Variants in RNF217 observed in about 807,000 individuals in gnomAD.
The protein encoded by RNF217 is E3 ubiquitin-protein ligase RNF217.
RNF217 carries 31 observed loss-of-function variants against 57.8 expected under a neutral mutation model. That is an observed-to-expected ratio of 0.54 (90% CI 0.40 to 0.72). The LOEUF (loss-of-function observed/expected upper bound fraction) is 0.72, where lower values mean the gene tolerates loss of function less well. Among genes scored for constraint, RNF217 ranks in the 30% least tolerant of loss-of-function variants. RNF217 has a pLI of 0.00. For missense variants in RNF217, 696 were observed against 708.3 expected (o/e 0.98, Z 0.20); for synonymous variants, 313 against 294.0 (o/e 1.06, Z -0.66).
rs138988779 is a variant in RNF217 at position 125,082,926 on chromosome 6, A to G, written c.1618A>G (p.Met540Val). ...ACAGAGAAAACGATCACGGACAGGTATGCACTGGTAACATGCAGATGATTT... is the reference window on the plus strand; with the variant it reads ...ACAGAGAAAACGATCACGGACAGGTGTGCACTGGTAACATGCAGATGATTT... Reference protein sequence around the residue: ...KKQRKRSRTGMHW With the variant: ...KKQRKRSRTGVHW The change falls in exon 6 of 6, where the codon ATG (methionine) becomes GTG (valine). Residue 540 changes from methionine (M) to valine (V), a missense_variant. Physicochemically the swap from Met to Val is conservative, Grantham distance 21. Transcript: ENST00000521654. 9.2e-4 allele frequency: 1,475 copies of G among 1,600,898 alleles called. 6 individuals are homozygous for G. Among genetic ancestry groups the G allele is most frequent in the South Asian group, 3.6e-3 (314 of 88,444 alleles).
chr6:125,091,020 A>G lies in RNF217; in HGVS notation c.*8083A>G, dbSNP rs532574442. On this transcript the variant is annotated 3_prime_UTR_variant, in exon 6 of 6. Transcript: ENST00000521654. ...GCAAAGGAAAAATTACGTTGAGATG[A>G]AATGTTGAGAAATAAGGAGTATCTT... 6.6e-6 allele frequency: 1 copy of G among 152,164 alleles called. No homozygotes were observed. Among genetic ancestry groups the G allele is most frequent in the East Asian group, 1.9e-4 (1 of 5,186 alleles). The allele number at this position is 152,164 out of a possible 1,614,324, so 9.4% of individuals were successfully genotyped here.
chr6:124,978,498 G>A lies in RNF217; in HGVS notation c.882+15072G>A, dbSNP rs142314492. 3.0e-3 allele frequency among the ~76,000 whole-genome samples: 458 copies of A among 151,800 alleles called. 2 individuals are homozygous for A. The highest frequency in any genetic ancestry group is 0.01 in the African/African-American group (416 of 41,392). ...TGCCAGCAGTCGTGGAGCCCCAAGG[G>A]GGGTTACAGTTCTCGCTTGTGGAGT... is the stretch of plus-strand genomic sequence containing the variant. On this transcript the variant is annotated intron_variant, in intron 1 of 5. Coordinates refer to ENST00000521654, the MANE Select transcript of RNF217 (RefSeq NM_001286398.3).
At chr6:125,008,058 C>T (rs943265107) in intron 1 of RNF217, among the ~76,000 whole-genome samples, 2 of 152,014 alleles carry the variant, frequency 1.3e-5, no homozygotes, top group African/African-American at 2.4e-5. Context: ...AGATCAAGAC[C>T]ATCCCGGCTG....
chr6:125,040,095 G>A (rs1399745849), intron 1 of RNF217, among the ~76,000 whole-genome samples: 2 of 152,006 alleles, frequency 1.3e-5, no homozygotes, highest in African/African-American at 4.8e-5. Flanking sequence ...TAAGATCAGA[G>A]CAGAATTGAA....
intron 1 of RNF217, among the ~76,000 whole-genome samples, chr6:125,022,039 AC>A (rs892423910): frequency 2.6e-5 from 4 of 151,808 alleles, no homozygotes; most frequent in African/African-American, 7.3e-5. Flanking sequence ...GCACCACCAC[AC>A]CTGGCTAATT....
chr6:124,963,234 G>T lies in RNF217; in HGVS notation c.690G>T (p.Ala230=), dbSNP rs1192153724. 2.6e-6 allele frequency: 4 copies of T among 1,535,858 alleles called. No homozygotes were observed. The highest frequency in any genetic ancestry group is 2.6e-6 in the Non-Finnish European group (3 of 1,146,872). Residue 230 remains alanine, a synonymous_variant, in exon 1 of 6, where the codon GCG becomes GCT. Coordinates refer to ENST00000521654, the MANE Select transcript of RNF217 (RefSeq NM_001286398.3). The stretch of plus-strand genomic sequence containing the variant: ...GCATCGAGCTGGAGTTCTACCTGGC[G>T]CCCGAGCCGTTCTCCATGCCCAGCC... The part of the protein sequence containing the change: ...GGSIELEFYL[A]PEPFSMPSLL...
intron 1 of RNF217, among the ~76,000 whole-genome samples, chr6:125,036,115 C>T (rs1786605095): frequency 6.6e-6 from 1 of 152,022 alleles, no homozygotes; most frequent in South Asian, 2.1e-4. Context: ...TGTGATGTTC[C>T]CCTCCCTGTG....
chr6:125,082,386 T>C, intron 5 of RNF217: 2 of 1,457,952 alleles, frequency 1.4e-6, no homozygotes, highest in South Asian at 1.3e-5. Context: ...GTATCTGACA[T>C]TTAAGTTCTT....
At chr6:124,979,912 G>T (rs767196404) in intron 1 of RNF217, among the ~76,000 whole-genome samples, 1 of 152,178 alleles carries the variant, frequency 6.6e-6, no homozygotes. Context: ...AGATGGCTCT[G>T]TCTCATGTCC....
intron 3 of RNF217, among the ~76,000 whole-genome samples, chr6:125,073,455 A>AG (rs1788228284): frequency 6.6e-6 from 1 of 152,198 alleles, no homozygotes; most frequent in African/African-American, 2.4e-5. Flanking sequence ...TGCTTAAAGA[A>AG]GGATTCTCAA....
intron 1 of RNF217, among the ~76,000 whole-genome samples, chr6:124,993,349 T>C (rs879394857): frequency 3.9e-5 from 6 of 152,272 alleles, no homozygotes; most frequent in East Asian, 3.9e-4. Context: ...CAGATAGTAA[T>C]TACAAGTAAA....
chr6:125,072,654 T>C (rs518619), intron 3 of RNF217, among the ~76,000 whole-genome samples: 3,913 of 152,256 alleles, frequency 0.026, 155 homozygotes, highest in African/African-American at 0.088. Context: ...GCAAAACTTA[T>C]TAGAACAAGT....
In RNF217 at chr6:125,085,756, G is replaced by A. The variant is rs1231348144; in HGVS notation, c.*2819G>A. 1 of 151,720 alleles carries A rather than the reference G, an allele frequency of 6.6e-6. No individual in the cohort carries two copies. The highest frequency in any genetic ancestry group is 1.5e-5 in the Non-Finnish European group (1 of 67,792). The allele number at this position is 151,720 out of a possible 1,614,324, so 9.4% of individuals were successfully genotyped here. On this transcript the variant is annotated 3_prime_UTR_variant, in exon 6 of 6. Transcript: ENST00000521654. The stretch of plus-strand genomic sequence containing the variant: ...AACCACTGTTAATGGTTTGGTATGT[G>A]TCCTTCCAGACACTTTCTACAAATA...
At chr6:125,068,601 T>C (rs1431613102) in intron 3 of RNF217, among the ~76,000 whole-genome samples, 1 of 152,214 alleles carries the variant, frequency 6.6e-6, no homozygotes. Context: ...AAAATATTTT[T>C]TCATGCATTT....
intron 1 of RNF217, among the ~76,000 whole-genome samples, chr6:124,975,245 C>T (rs756089521): frequency 1.3e-5 from 2 of 152,256 alleles, no homozygotes; most frequent in South Asian, 2.1e-4. Flanking sequence ...GCTTTTCCCC[C>T]GGTTGCTTAA....
Position 124,963,105 on chromosome 6 carries a change from G to A in RNF217, c.561G>A (p.Ser187=). ...PASEQLSPPA[S]PPGAPPVLNP... is the part of the protein sequence containing the mutation. ...CGGAGCAGCTCTCGCCGCCCGCGTC[G>A]CCACCTGGGGCTCCGCCAGTGTTGA... Residue 187 remains serine (S), a synonymous_variant, in exon 1 of 6, where the codon TCG becomes TCA. Transcript: ENST00000521654. 1 of 1,538,504 alleles carries A rather than the reference G, an allele frequency of 6.5e-7. No homozygotes were observed. Among genetic ancestry groups the A allele is most frequent in the Non-Finnish European group, 8.7e-7 (1 of 1,148,856 alleles).
intron 5 of RNF217, among the ~76,000 whole-genome samples, chr6:125,081,716 C>T (rs1444704311): frequency 6.6e-6 from 1 of 152,064 alleles, no homozygotes; most frequent in Non-Finnish European, 1.5e-5. Flanking sequence ...AGTCTATGAA[C>T]ACTGTGATTC....
In RNF217 at chr6:125,090,866, TACTATTA is replaced by T. The variant is rs1788920231; in HGVS notation, c.*7933_*7939del. 6.6e-6 allele frequency: 1 copy of T among 152,012 alleles called. No homozygotes were observed. The highest frequency in any genetic ancestry group is 1.5e-5 in the Non-Finnish European group (1 of 67,894). The allele number at this position is 152,012 out of a possible 1,614,324, so 9.4% of individuals were successfully genotyped here. A position where few individuals can be genotyped will look rare whatever the true frequency, so the allele number is the denominator to read the frequency against. ...AACCTTTTCTCCATTTCATTAGTTA[TACTATTA>T]ACTTTGATAATCACAAAACTATGTG... is the stretch of plus-strand genomic sequence containing the variant. On this transcript the variant is annotated 3_prime_UTR_variant, in exon 6 of 6. Transcript: ENST00000521654.
Position 124,963,407 on chromosome 6 carries a change from A to G in RNF217, c.863A>G (p.Lys288Arg). The G allele has an allele frequency of 6.8e-7, 1 of 1,479,768 alleles. No individual in the cohort carries two copies. Among genetic ancestry groups the G allele is most frequent in the Non-Finnish European group, 8.9e-7 (1 of 1,119,530 alleles). The allele number at this position is 1,479,768 out of a possible 1,614,324, so 91.7% of individuals were successfully genotyped here. The change falls in exon 1 of 6, where the codon AAA becomes AGA. Residue 288 changes from lysine to arginine, a missense_variant. Coordinates refer to ENST00000521654, the MANE Select transcript of RNF217 (RefSeq NM_001286398.3). Reference protein sequence around the residue: ...CKKAVCEECLKVYLSAQVQLG... With the variant: ...CKKAVCEECLRVYLSAQVQLG... Reference sequence around the variant, plus strand: ...AAGGCCGTGTGCGAGGAGTGCCTCAAAGTCTACCTGAGCGCCCAGGTAACT... The same window carrying G: ...AAGGCCGTGTGCGAGGAGTGCCTCAGAGTCTACCTGAGCGCCCAGGTAACT...
Sources: allele counts gnomAD v4.1 joint callset (sites outside exome capture counted in the v4.1 genomes callset), GRCh38; gene constraint gnomAD v4.1.1; transcripts MANE v1.5; gene names NCBI Gene and HGNC (gene_info 2026-07-23, HGNC 2026-07-21).